TRIM2: variants seen among roughly 807,000 people sequenced by gnomAD.
TRIM2 encodes the protein tripartite motif-containing protein 2.
A neutral mutation model predicts 75.2 loss-of-function variants in TRIM2; 20 were observed. The observed-to-expected ratio is 0.27, with a 90% confidence interval of 0.19 to 0.39. TRIM2 has a LOEUF of 0.39. Ranked by LOEUF, TRIM2 falls within the 10% of genes least tolerant of loss-of-function variation. The pLI, the probability that TRIM2 is intolerant of heterozygous loss-of-function variation, is 1.00. For synonymous variants in TRIM2, 373 were observed against 388.3 expected (o/e 0.96, Z 0.46); for missense variants, 660 against 990.8 (o/e 0.67, Z 4.48).
chr4:153,270,493 C>G lies in TRIM2; in HGVS notation c.189C>G (p.Leu63=). ...AACGGTACAAGAATCCCAAGGTTCTCCCCTGTCTGCACACTTTCTGCGAGA... is the reference window on the plus strand; with the variant it reads ...AACGGTACAAGAATCCCAAGGTTCTGCCCTGTCTGCACACTTTCTGCGAGA... ...CLERYKNPKV[L]PCLHTFCERC... The change falls in exon 2 of 12, where the codon CTC becomes CTG. Residue 63 remains leucine (L), a synonymous_variant. Coordinates refer to ENST00000338700, the MANE Select transcript of TRIM2 (RefSeq NM_015271.5). 3 of 1,611,686 alleles carry G rather than the reference C, an allele frequency of 1.9e-6. No homozygotes were observed. The highest frequency in any genetic ancestry group is 2.5e-6 in the Non-Finnish European group (3 of 1,179,000).
chr4:153,287,421 A>C (rs1760896611), intron 3 of TRIM2, among the ~76,000 whole-genome samples: 1 of 151,778 alleles, frequency 6.6e-6, no homozygotes, highest in Admixed American at 6.6e-5. Context: ...AAATTAATTA[A>C]CTTAATTACT....
rs1772788004 is a variant in TRIM2 at position 153,338,972 on chromosome 4, T to C, written c.*4006T>C. 1 of 985,228 alleles carries C rather than the reference T, an allele frequency of 1.0e-6. No homozygotes were observed. The highest frequency in any genetic ancestry group is 1.7e-5 in the African/African-American group (1 of 57,224). 61.0% of individuals were successfully genotyped at this position (985,228 alleles called of 1,614,324 possible). A position where few individuals can be genotyped will look rare whatever the true frequency, so the allele number is the denominator to read the frequency against. ...GAAGGGGTTTTTTTTTTTTGCTTTG[T>C]TTTCTTTTTAGATTTTGTACATTCC... On this transcript the variant is annotated 3_prime_UTR_variant, in exon 12 of 12. Coordinates refer to ENST00000338700, the MANE Select transcript of TRIM2 (RefSeq NM_015271.5).
At chr4:153,245,041 C>A (rs893798909) in intron 1 of TRIM2, among the ~76,000 whole-genome samples, 10 of 152,168 alleles carry the variant, frequency 6.6e-5, no homozygotes, top group Non-Finnish European at 1.5e-4. Context: ...GGGCTTGTGA[C>A]CCTCTGAGAT....
At chr4:153,245,083 T>C (rs1386558183) in intron 1 of TRIM2, among the ~76,000 whole-genome samples, 1 of 152,232 alleles carries the variant, frequency 6.6e-6, no homozygotes, top group African/African-American at 2.4e-5. Flanking sequence ...TGCACAGCAC[T>C]GAGAAGCAAA....
intron 1 of TRIM2, among the ~76,000 whole-genome samples, chr4:153,198,861 G>T (rs1184025692): frequency 1.3e-5 from 2 of 152,144 alleles, no homozygotes; most frequent in East Asian, 3.9e-4. Flanking sequence ...TGAGGCTTCA[G>T]GTTGCCAAGA....
intron 2 of TRIM2, among the ~76,000 whole-genome samples, chr4:153,273,270 C>CT (rs72414117): frequency 0.027 from 1,532 of 57,312 alleles, 199 homozygotes; most frequent in African/African-American, 0.045. Flanking sequence ...TACAGTCACT[C>CT]TTTTTTTTTT....
chr4:153,256,711 C>T (rs989188867), intron 1 of TRIM2, among the ~76,000 whole-genome samples: 2 of 152,176 alleles, frequency 1.3e-5, no homozygotes, highest in African/African-American at 4.8e-5. Flanking sequence ...CTGAAAACTT[C>T]ATGATCAGAA....
chr4:153,165,024 T>A (rs1730155677), intron 1 of TRIM2, among the ~76,000 whole-genome samples: 1 of 152,224 alleles, frequency 6.6e-6, no homozygotes, highest in South Asian at 2.1e-4. Flanking sequence ...ATGTCACGAT[T>A]ATTAAAGTTT....
At chr4:153,315,453 C>A in intron 6 of TRIM2, 32 bp from the exon 7 acceptor site, 1 of 1,549,284 alleles carries the variant, frequency 6.5e-7, no homozygotes, top group Non-Finnish European at 8.8e-7. Flanking sequence ...CCCTTTAGTG[C>A]TTAATTTTTA....
chr4:153,209,054 C>A lies in TRIM2; in HGVS notation c.30+4494C>A, dbSNP rs73857427. On this transcript the variant is annotated intron_variant, in intron 1 of 11. Coordinates refer to ENST00000338700, the MANE Select transcript of TRIM2 (RefSeq NM_015271.5). ...CACCAGGCCCATTTTATGAAAAACCCTGGGAAAACTGAGGTCCAGCAGCCA... is the reference window on the plus strand; with the variant it reads ...CACCAGGCCCATTTTATGAAAAACCATGGGAAAACTGAGGTCCAGCAGCCA... 6.5e-3 allele frequency among the ~76,000 whole-genome samples: 989 copies of A among 152,254 alleles called. 7 individuals are homozygous for A. Among genetic ancestry groups the A allele is most frequent in the African/African-American group, 0.023 (950 of 41,550 alleles).
intron 3 of TRIM2, among the ~76,000 whole-genome samples, chr4:153,278,620 G>A (rs1451275783): frequency 2.0e-5 from 3 of 152,004 alleles, no homozygotes; most frequent in Non-Finnish European, 2.9e-5. Context: ...GCAACATGGC[G>A]AAATCCCACC....
At chr4:153,314,449 T>TAACCACCACAC (rs1180859313) in intron 6 of TRIM2, among the ~76,000 whole-genome samples, 1 of 139,794 alleles carries the variant, frequency 7.2e-6, no homozygotes, top group Non-Finnish European at 1.5e-5. Flanking sequence ...AAAAAGAGAG[T>TAACCACCACAC]CTAGTATGGC....
At chr4:153,221,879 G>A (rs559452920) in intron 1 of TRIM2, among the ~76,000 whole-genome samples, 10 of 107,522 alleles carry the variant, frequency 9.3e-5, no homozygotes, top group African/African-American at 3.2e-4. Flanking sequence ...AGGAAGGGAA[G>A]GAGGAAGGAA....
At chr4:153,303,796 A>T (rs1764429016) in intron 6 of TRIM2, among the ~76,000 whole-genome samples, 5 of 152,250 alleles carry the variant, frequency 3.3e-5, no homozygotes, top group Admixed American at 3.3e-4. Context: ...GATTCATGAC[A>T]TTCGTCATTT....
chr4:153,170,730 C>G (rs1212940529), intron 1 of TRIM2, among the ~76,000 whole-genome samples: 1 of 152,138 alleles, frequency 6.6e-6, no homozygotes, highest in Non-Finnish European at 1.5e-5. Context: ...AACCCTATGC[C>G]AGGGAGCTCA....
chr4:153,189,654 C>T (rs1732984292), intron 1 of TRIM2, among the ~76,000 whole-genome samples: 2 of 152,230 alleles, frequency 1.3e-5, no homozygotes, highest in Non-Finnish European at 2.9e-5. Flanking sequence ...GCTCATGCCT[C>T]CCTGTGACGG....
chr4:153,321,849 C>G (rs1228808456), intron 8 of TRIM2, among the ~76,000 whole-genome samples: 2 of 152,160 alleles, frequency 1.3e-5, no homozygotes, highest in Non-Finnish European at 2.9e-5. Flanking sequence ...CCTTATTTTA[C>G]TTAATACATC....
intron 1 of TRIM2, among the ~76,000 whole-genome samples, chr4:153,156,036 A>G (rs1729199786): frequency 1.3e-5 from 2 of 152,234 alleles, no homozygotes; most frequent in Admixed American, 1.3e-4. Flanking sequence ...ATTTGTGAAT[A>G]TGACATCTCC....
intron 3 of TRIM2, among the ~76,000 whole-genome samples, chr4:153,280,794 C>A (rs1402978413): frequency 2.0e-5 from 3 of 152,092 alleles, no homozygotes; most frequent in African/African-American, 7.2e-5. Flanking sequence ...ACACCATTCT[C>A]CTGCCTCAGC....
Sources: gnomAD v4.1 joint callset for allele counts (sites outside exome capture counted in the v4.1 genomes callset) on GRCh38, gnomAD v4.1.1 for gene constraint, MANE v1.5 for transcripts, NCBI Gene and HGNC (gene_info 2026-07-23, HGNC 2026-07-21) for gene names.